Variants in ABCC2 observed in about 807,000 individuals in gnomAD.
ABCC2 encodes the protein ATP binding cassette subfamily C member 2, also known as ATP-binding cassette sub-family C member 2.
A neutral mutation model predicts 173.4 loss-of-function variants in ABCC2; 157 were observed. That is an observed-to-expected ratio of 0.91 (90% CI 0.80 to 1.03). The LOEUF is 1.03. Ranked by LOEUF, ABCC2 falls within the 50% of genes least tolerant of loss-of-function variation. The pLI, the probability that ABCC2 is intolerant of heterozygous loss-of-function variation, is 0.00. For missense variants in ABCC2, 1,822 were observed against 1,852.3 expected (o/e 0.98, Z 0.30); for synonymous variants, 657 against 693.5 (o/e 0.95, Z 0.83).
At position 99,794,000 on chromosome 10, in the gene ABCC2, G is replaced by A. The variant is rs376398719; in HGVS notation, c.576+1G>A. On this transcript the variant is annotated splice_donor_variant, in intron 5 of 31. Coordinates refer to ENST00000647814, the MANE Select transcript of ABCC2 (RefSeq NM_000392.5). LOFTEE classifies it high-confidence loss of function. ...TTCAGAAAATAATGAGTCATCAAAT[G>A]TGAGATTCTAAATATGCCCATCTCA... 117 of 1,592,550 alleles carry A rather than the reference G, an allele frequency of 7.3e-5. No homozygotes were observed. The highest frequency in any genetic ancestry group is 1.0e-4 in the Non-Finnish European group (116 of 1,161,354).
chr10:99,850,236 C>T (rs189312917), intron 30 of ABCC2, among the ~76,000 whole-genome samples: 54 of 152,310 alleles, frequency 3.5e-4, no homozygotes, highest in Middle Eastern at 3.4e-3. Flanking sequence ...GTTGATGTCA[C>T]GGCAACCAAA....
At chr10:99,814,646 T>TACACACACATATGTGTATATACAC (rs1564685738) in intron 16 of ABCC2, among the ~76,000 whole-genome samples, 1 of 120,694 alleles carries the variant, frequency 8.3e-6, no homozygotes, top group African/African-American at 4.0e-5. Context: ...TATATACACA[T>TACACACACATATGTGTATATACAC]ATACACACAC....
In ABCC2 at chr10:99,841,999, A is replaced by T. The variant is rs1412212418; in HGVS notation, c.3647A>T (p.Asn1216Ile). 10 of 1,614,114 alleles carry T rather than the reference A, an allele frequency of 6.2e-6. No individual in the cohort carries two copies. The South Asian group carries it at 1.1e-4, about 18-fold the overall frequency. ...GCAATTCGCCTGGAGCTGGTTGGGA[A>T]CCTGACTGTCTTCTTTTCAGCCTTG... ...WLAIRLELVG[N>I]LTVFFSALMM... Residue 1216 changes from asparagine to isoleucine, a missense_variant, in exon 26 of 32, where the codon AAC becomes ATC. Asn to Ile is a moderately radical substitution (Grantham distance 149). Transcript: ENST00000647814.
Position 99,834,414 on chromosome 10 carries a change from C to T in ABCC2, c.3293C>T (p.Ser1098Phe). The change falls in exon 24 of 32, where the codon TCC becomes TTC. Residue 1098 changes from serine to phenylalanine, a missense_variant. Physicochemically the swap from Ser to Phe is radical, Grantham distance 155 (BLOSUM62 -2). Transcript: ENST00000647814. Reference sequence around the variant, plus strand: ...ACAGTGGATGACACCCTGCCTCAGTCCTTGCGCAGCTGGATTACATGCTTC... The same window carrying T: ...ACAGTGGATGACACCCTGCCTCAGTTCTTGCGCAGCTGGATTACATGCTTC... ...ISTVDDTLPQ[S>F]LRSWITCFLG... 6.2e-7 allele frequency: 1 copy of T among 1,614,170 alleles called. No homozygotes were observed. Among genetic ancestry groups the T allele is most frequent in the East Asian group, 2.2e-5 (1 of 44,882 alleles).
intron 16 of ABCC2, among the ~76,000 whole-genome samples, chr10:99,814,771 GTGTGTATGTATATACACACACACATA>G (rs1443147918): frequency 0.016 from 2,141 of 132,546 alleles, 73 homozygotes; most frequent in African/African-American, 0.052. Flanking sequence ...ACATATATGT[GTGTGTATGTATATACACACACACATA>G]TGTGTGTGTG....
chr10:99,843,933 G>T (rs1228333187), intron 27 of ABCC2, 33 bp downstream of exon 27: 1 of 1,550,420 alleles, frequency 6.4e-7, no homozygotes. Flanking sequence ...CAGGAACAAG[G>T]CAAAAACAAC....
chr10:99,808,376 AC>A, intron 13 of ABCC2, 147 bp downstream of exon 13: 1 of 1,112,342 alleles, frequency 9.0e-7, no homozygotes, highest in Non-Finnish European at 1.3e-6. Context: ...CAATGGTTTG[AC>A]CTTAATAAAA....
At position 99,818,445 on chromosome 10, in the gene ABCC2, C is replaced by T. The variant is rs367765378; in HGVS notation, c.2272-345C>T. On this transcript the variant is annotated intron_variant, in intron 17 of 31. Coordinates refer to ENST00000647814, the MANE Select transcript of ABCC2 (RefSeq NM_000392.5). ...GTAATTTTGTTCATTAATTAGCATA[C>T]GCTTATTGAGCACCTACTATGTGCC... Among the ~76,000 whole-genome samples the T allele has an allele frequency of 7.0e-4, 107 of 152,126 alleles. 1 individual carries two copies. Among genetic ancestry groups the T allele is most frequent in the African/African-American group, 2.2e-3 (93 of 41,456 alleles).
chr10:99,834,904 T>G (rs1422902361), intron 24 of ABCC2, among the ~76,000 whole-genome samples: 1 of 152,224 alleles, frequency 6.6e-6, no homozygotes, highest in Non-Finnish European at 1.5e-5. Flanking sequence ...AGAAGAGCCA[T>G]GCTATGGTGC....
At chr10:99,788,158 A>G (rs1235389198) in intron 2 of ABCC2, among the ~76,000 whole-genome samples, 1 of 152,146 alleles carries the variant, frequency 6.6e-6, no homozygotes, top group African/African-American at 2.4e-5. Context: ...CCAGTTCCTC[A>G]TATCTCCTTC....
At chr10:99,808,988 G>A (rs766342985) in intron 13 of ABCC2, among the ~76,000 whole-genome samples, 2 of 152,188 alleles carry the variant, frequency 1.3e-5, no homozygotes, top group Non-Finnish European at 2.9e-5. Flanking sequence ...ACAATTTATT[G>A]CATAAATAGC....
chr10:99,800,354 T>C, intron 8 of ABCC2, 32 bp from the exon 9 acceptor site: 3 of 1,613,598 alleles, frequency 1.9e-6, no homozygotes, highest in South Asian at 1.1e-5. Flanking sequence ...GGAGGCCTTA[T>C]GGGTATAACT....
chr10:99,837,310 T>C (rs1312748293), intron 25 of ABCC2, among the ~76,000 whole-genome samples: 1 of 105,432 alleles, frequency 9.5e-6, no homozygotes, highest in Non-Finnish European at 1.9e-5. Context: ...TAATTTTTTT[T>C]ATTTTTAGTA....
chr10:99,851,410 C>T, intron 31 of ABCC2, 92 bp from the exon 32 acceptor site: 1 of 1,472,632 alleles, frequency 6.8e-7, no homozygotes, highest in Non-Finnish European at 9.5e-7. Flanking sequence ...CCTTGTCTGA[C>T]TATACCACAA....
intron 8 of ABCC2, 104 bp downstream of exon 8, chr10:99,799,474 A>T (rs2037977378): frequency 8.8e-6 from 12 of 1,369,490 alleles, no homozygotes; most frequent in East Asian, 2.3e-5. Flanking sequence ...CCCATTTTTT[A>T]AAAATGCTCG....
At chr10:99,845,158 T>C (rs1212755007) in intron 28 of ABCC2, among the ~76,000 whole-genome samples, 3 of 152,138 alleles carry the variant, frequency 2.0e-5, no homozygotes, top group African/African-American at 4.8e-5. Context: ...GACTCCCAAG[T>C]AGCTGGGACT....
rs1261775032 is a variant in ABCC2, at chr10:99,851,665, G to T, written c.*34G>T. ...CCCATGGGTTAGAAAAGGACTATAA[G>T]AATAATTTCTTATTTAATTTTATTT... is the stretch of plus-strand genomic sequence containing the variant. On this transcript the variant is annotated 3_prime_UTR_variant, in exon 32 of 32. Coordinates refer to ENST00000647814, the MANE Select transcript of ABCC2 (RefSeq NM_000392.5). 1 of 1,581,746 alleles carries T rather than the reference G, an allele frequency of 6.3e-7. No individual in the cohort carries two copies. Among genetic ancestry groups the T allele is most frequent in the Admixed American group, 1.7e-5 (1 of 58,398 alleles).
At chr10:99,819,466 G>A (rs1207151454) in intron 19 of ABCC2, among the ~76,000 whole-genome samples, 197 bp downstream of exon 19, 1 of 152,186 alleles carries the variant, frequency 6.6e-6, no homozygotes, top group Non-Finnish European at 1.5e-5. Context: ...GGGCCAAACT[G>A]GTGACTTATC....
intron 19 of ABCC2, among the ~76,000 whole-genome samples, chr10:99,823,690 TA>T (rs2038579375): frequency 7.1e-6 from 1 of 141,130 alleles, no homozygotes; most frequent in African/African-American, 2.7e-5. Context: ...TCACGTCTGG[TA>T]ATTTTAGGTA....
Sources: gnomAD v4.1 joint callset for allele counts (sites outside exome capture counted in the v4.1 genomes callset) on GRCh38, gnomAD v4.1.1 for gene constraint, MANE v1.5 for transcripts, NCBI Gene and HGNC (gene_info 2026-07-23, HGNC 2026-07-21) for gene names.